Variants in PWWP3B observed in about 807,000 individuals in gnomAD.
PWWP3B encodes the protein PWWP domain-containing DNA repair factor 3B.
A neutral mutation model predicts 15.7 loss-of-function variants in PWWP3B; 5 were observed. The ratio of observed to expected loss-of-function variants is 0.32; its 90% CI spans 0.17 to 0.67. The LOEUF (loss-of-function observed/expected upper bound fraction) is 0.67, where lower values mean the gene tolerates loss of function less well. Ranked by LOEUF, PWWP3B falls within the 30% of genes least tolerant of loss-of-function variation. The pLI, the probability that PWWP3B is intolerant of heterozygous loss-of-function variation, is 0.74. For missense variants in PWWP3B, 519 were observed against 493.1 expected, an observed-to-expected ratio of 1.05 and a Z score of -0.50; for synonymous variants, 203 against 179.8, an observed-to-expected ratio of 1.13 and a Z score of -1.03.
Position 106,205,438 on chromosome X carries a change from G to A in PWWP3B, c.6G>A (p.Glu2=), listed in dbSNP as rs201933115. 219 of 1,144,831 alleles carry A rather than the reference G, an allele frequency of 1.9e-4. No homozygotes were observed. The highest frequency in any genetic ancestry group is 2.5e-4 in the Non-Finnish European group (214 of 865,802). 94.3% of individuals were successfully genotyped at this position (1,144,831 alleles called of 1,213,427 possible). ...GCACACAAATATAAACCATAATGGA[G>A]TCTGAGTATGTCCTATGCAACTGGA... M[E]SEYVLCNWKD... Residue 2 remains glutamate (E), a synonymous_variant, in exon 4 of 4, where the codon GAG becomes GAA. Coordinates refer to ENST00000357175, the MANE Select transcript of PWWP3B (RefSeq NM_001171020.2).
At chrX:106,191,246 GA>G (rs1383765910) in intron 2 of PWWP3B, among the ~76,000 whole-genome samples, 1 of 110,856 alleles carries the variant, frequency 9.0e-6, no homozygotes, top group African/African-American at 3.3e-5. Context: ...AGTTCTCCTT[GA>G]AGAGGTCCTT....
At chrX:106,190,374 G>A (rs749479826) in intron 2 of PWWP3B, among the ~76,000 whole-genome samples, 2 of 111,625 alleles carry the variant, frequency 1.8e-5, no homozygotes, top group East Asian at 2.8e-4. Context: ...ATCATTCGCC[G>A]ACTTTTTGAT....
At chrX:106,191,198 A>T (rs370791240) in intron 2 of PWWP3B, among the ~76,000 whole-genome samples, 1 of 109,494 alleles carries the variant, frequency 9.1e-6, no homozygotes, top group African/African-American at 3.3e-5. Context: ...TCTTCCATTT[A>T]TTTGTGTCCT....
chrX:106,191,170 C>T (rs868653657), intron 2 of PWWP3B, among the ~76,000 whole-genome samples: 6 of 110,636 alleles, frequency 5.4e-5, no homozygotes, highest in Admixed American at 2.9e-4. Flanking sequence ...ATTCTTCCTA[C>T]CCATGAGCAT....
intron 2 of PWWP3B, among the ~76,000 whole-genome samples, chrX:106,202,379 T>G (rs748939474): frequency 1.2e-4 from 14 of 112,230 alleles, no homozygotes; most frequent in Admixed American, 1.9e-4. Flanking sequence ...TAGAGTAGAT[T>G]ACTCAGTGAT....
intron 2 of PWWP3B, among the ~76,000 whole-genome samples, chrX:106,196,657 G>A (rs187100732): frequency 1.1e-3 from 119 of 111,706 alleles, no homozygotes; most frequent in African/African-American, 3.7e-3. Flanking sequence ...TGGTCATAAT[G>A]TATTATTCTT....
intron 1 of PWWP3B, among the ~76,000 whole-genome samples, chrX:106,170,431 T>G (rs952300580): frequency 8.9e-6 from 1 of 112,069 alleles, no homozygotes; most frequent in African/African-American, 3.2e-5. Flanking sequence ...TATGATCCCA[T>G]TTTTGTATAA....
chrX:106,192,928 C>G (rs1923094244), intron 2 of PWWP3B, among the ~76,000 whole-genome samples: 2 of 111,486 alleles, frequency 1.8e-5, no homozygotes, highest in African/African-American at 6.5e-5. Flanking sequence ...AATTTCTGTT[C>G]TTTTCCATTT....
chrX:106,198,479 A>G (rs990781571), intron 2 of PWWP3B, among the ~76,000 whole-genome samples: 30 of 111,634 alleles, frequency 2.7e-4, no homozygotes, highest in African/African-American at 9.5e-4. Flanking sequence ...TGAGTTGGTT[A>G]TGGCCCTCTC....
intron 2 of PWWP3B, among the ~76,000 whole-genome samples, chrX:106,200,134 T>C (rs1330742992): frequency 1.8e-5 from 2 of 111,279 alleles, no homozygotes; most frequent in Non-Finnish European, 3.8e-5. Context: ...TCCATATGGC[T>C]CTCCATCCTC....
intron 2 of PWWP3B, among the ~76,000 whole-genome samples, chrX:106,175,930 A>G (rs1425100050): frequency 9.0e-6 from 1 of 111,159 alleles, no homozygotes; most frequent in Non-Finnish European, 1.9e-5. Flanking sequence ...GTCCCGATAT[A>G]TAGCACCTCC....
intron 2 of PWWP3B, among the ~76,000 whole-genome samples, chrX:106,190,295 T>C (rs1569361913): frequency 8.9e-6 from 1 of 112,617 alleles, no homozygotes; most frequent in African/African-American, 3.2e-5. Flanking sequence ...TGATGGCCAG[T>C]AATGATGAGC....
chrX:106,199,130 G>A (rs1923548883), intron 2 of PWWP3B, among the ~76,000 whole-genome samples: 1 of 106,707 alleles, frequency 9.4e-6, no homozygotes, highest in Admixed American at 1.0e-4. Context: ...CTCACTGCAA[G>A]CTCTGCCTCC....
chrX:106,184,123 G>A (rs769308948), intron 2 of PWWP3B, among the ~76,000 whole-genome samples: 6 of 111,484 alleles, frequency 5.4e-5, no homozygotes, highest in East Asian at 5.7e-4. Context: ...CTCTGATCTC[G>A]CTTTTCCTTT....
intron 2 of PWWP3B, among the ~76,000 whole-genome samples, chrX:106,178,680 TTAG>T (rs2147590620): frequency 8.9e-6 from 1 of 112,256 alleles, no homozygotes; most frequent in East Asian, 2.8e-4. Context: ...TTGAAAACAC[TTAG>T]TAGTATGCAA....
chrX:106,179,913 G>T (rs1037167769), intron 2 of PWWP3B, among the ~76,000 whole-genome samples: 1 of 112,163 alleles, frequency 8.9e-6, no homozygotes, highest in Non-Finnish European at 1.9e-5. Context: ...CAGTCATAAT[G>T]ATGTCTAATT....
intron 2 of PWWP3B, among the ~76,000 whole-genome samples, chrX:106,200,996 C>G (rs901718403): frequency 8.8e-4 from 95 of 107,534 alleles, no homozygotes; most frequent in African/African-American, 3.1e-3. Flanking sequence ...TGCAGTGAGC[C>G]GAGATCACGC....
In PWWP3B at chrX:106,188,679, C is replaced by A. The variant is rs115573973; in HGVS notation, c.-400-15306C>A. Among the ~76,000 whole-genome samples the A allele has an allele frequency of 5.0e-3, 558 of 112,602 alleles. 5 individuals carry two copies. Among genetic ancestry groups the A allele is most frequent in the African/African-American group, 0.017 (522 of 31,022 alleles). The stretch of plus-strand genomic sequence containing the variant: ...CTGCCCCATTGTAGTCAATCCATAT[C>A]TCTGTCAGTTCCTGACAACCACTGA... On this transcript the variant is annotated intron_variant, in intron 2 of 3. Coordinates refer to ENST00000357175, the MANE Select transcript of PWWP3B (RefSeq NM_001171020.2).
intron 2 of PWWP3B, among the ~76,000 whole-genome samples, chrX:106,189,526 A>G (rs1922745898): frequency 9.1e-6 from 1 of 109,719 alleles, no homozygotes; most frequent in Non-Finnish European, 1.9e-5. Context: ...GATGGTTTCC[A>G]GTTTCATCCA....
Sources: gnomAD v4.1 joint callset for allele counts (sites outside exome capture counted in the v4.1 genomes callset) on GRCh38, gnomAD v4.1.1 for gene constraint, MANE v1.5 for transcripts, NCBI Gene and HGNC (gene_info 2026-07-23, HGNC 2026-07-21) for gene names.